Variants in TCF7L1 observed in about 807,000 individuals in gnomAD.
TCF7L1 encodes transcription factor 7-like 1.
In TCF7L1, 18 loss-of-function variants were observed where a neutral mutation model predicts 63.7. The observed-to-expected ratio is 0.28, with a 90% CI of 0.20 to 0.42. The LOEUF is 0.42. Ranked by LOEUF, TCF7L1 falls within the 10% of genes least tolerant of loss-of-function variation. The pLI, the probability that TCF7L1 is intolerant of heterozygous loss-of-function variation, is 1.00. For missense variants in TCF7L1, 654 were observed against 779.3 expected (o/e 0.84, Z 1.91); for synonymous variants, 355 against 340.9 (o/e 1.04, Z -0.46).
chr2:85,223,546 G>A (rs1679894700), intron 3 of TCF7L1, among the ~76,000 whole-genome samples: 1 of 152,082 alleles, frequency 6.6e-6, no homozygotes, highest in African/African-American at 2.4e-5. Context: ...TGGATGTATG[G>A]GGTGTCTGCT....
At chr2:85,227,200 C>A (rs1679976497) in intron 3 of TCF7L1, among the ~76,000 whole-genome samples, 1 of 152,212 alleles carries the variant, frequency 6.6e-6, no homozygotes, top group East Asian at 1.9e-4. Context: ...TTGGACTTCT[C>A]TTCCTGCCCT....
At chr2:85,136,708 C>T (rs185333950) in intron 3 of TCF7L1, among the ~76,000 whole-genome samples, 21 of 152,250 alleles carry the variant, frequency 1.4e-4, no homozygotes, top group Admixed American at 1.1e-3. Flanking sequence ...TGTTAGTTCA[C>T]GGATATACTG....
At chr2:85,219,411 T>A (rs576936035) in intron 3 of TCF7L1, among the ~76,000 whole-genome samples, 16 of 152,248 alleles carry the variant, frequency 1.1e-4, no homozygotes, top group African/African-American at 3.9e-4. Flanking sequence ...ACAAGGGACA[T>A]GAACAAGAAC....
At chr2:85,237,283 A>G (rs1448598941) in intron 3 of TCF7L1, among the ~76,000 whole-genome samples, 2 of 152,128 alleles carry the variant, frequency 1.3e-5, no homozygotes, top group Non-Finnish European at 2.9e-5. Context: ...CTTTGGACTG[A>G]GAAGGATGCA....
intron 4 of TCF7L1, among the ~76,000 whole-genome samples, chr2:85,293,663 G>C (rs2104379734): frequency 6.6e-6 from 1 of 152,290 alleles, no homozygotes; most frequent in Non-Finnish European, 1.5e-5. Flanking sequence ...AATAGTAAAA[G>C]CAAACACATG....
intron 3 of TCF7L1, among the ~76,000 whole-genome samples, chr2:85,159,110 T>C (rs1678222235): frequency 6.6e-6 from 1 of 152,174 alleles, no homozygotes; most frequent in Admixed American, 6.5e-5. Context: ...GATCAATAAA[T>C]AGAAGCAGGC....
intron 3 of TCF7L1, among the ~76,000 whole-genome samples, chr2:85,174,486 T>A (rs114000711): frequency 8.3e-4 from 127 of 152,286 alleles, no homozygotes; most frequent in African/African-American, 2.9e-3. Context: ...AGAGGTGATG[T>A]TGCCCACCTG....
At chr2:85,164,918 C>T (rs751495659) in intron 3 of TCF7L1, among the ~76,000 whole-genome samples, 2 of 152,126 alleles carry the variant, frequency 1.3e-5, no homozygotes, top group Non-Finnish European at 1.5e-5. Flanking sequence ...TTATGAGATT[C>T]GCTGCTAGGT....
chr2:85,228,553 G>A (rs371645775), intron 3 of TCF7L1, among the ~76,000 whole-genome samples: 20 of 152,282 alleles, frequency 1.3e-4, no homozygotes, highest in African/African-American at 2.4e-4. Flanking sequence ...GAAAGGGAGC[G>A]AAGAGGTGGG....
intron 3 of TCF7L1, among the ~76,000 whole-genome samples, chr2:85,158,447 A>C (rs575551326): frequency 6.6e-6 from 1 of 152,316 alleles, no homozygotes; most frequent in East Asian, 1.9e-4. Flanking sequence ...CTTAGTGCTT[A>C]TTCAATGTAT....
intron 3 of TCF7L1, among the ~76,000 whole-genome samples, chr2:85,263,623 G>A (rs1312145347): frequency 6.6e-6 from 1 of 152,216 alleles, no homozygotes; most frequent in African/African-American, 2.4e-5. Flanking sequence ...TTTCAAAGGA[G>A]CCTTGGTTGA....
chr2:85,152,789 C>G (rs374210572), intron 3 of TCF7L1, among the ~76,000 whole-genome samples: 12 of 152,082 alleles, frequency 7.9e-5, no homozygotes, highest in African/African-American at 2.9e-4. Context: ...CATCAATCCC[C>G]CTACTTAATA....
intron 3 of TCF7L1, among the ~76,000 whole-genome samples, chr2:85,267,513 G>A (rs191934872): frequency 1.3e-5 from 2 of 151,506 alleles, no homozygotes; most frequent in South Asian, 2.1e-4. Context: ...AGCTGGTGTG[G>A]TGGCGCACAC....
chr2:85,137,094 T>A (rs1351914770), intron 3 of TCF7L1, among the ~76,000 whole-genome samples: 3 of 152,198 alleles, frequency 2.0e-5, no homozygotes, highest in Non-Finnish European at 4.4e-5. Context: ...CTCTAAGGCC[T>A]AGAGGTAGTA....
At chr2:85,187,327 T>G (rs949330904) in intron 3 of TCF7L1, 4 of 152,240 alleles carry the variant, frequency 2.6e-5, no homozygotes, top group Non-Finnish European at 5.9e-5. Flanking sequence ...TAGCGGAATT[T>G]CAGTCATCTG....
At chr2:85,304,224 A>G (rs1448456534) in intron 6 of TCF7L1, 31 bp from the exon 7 acceptor site, 4 of 1,600,694 alleles carry the variant, frequency 2.5e-6, no homozygotes, top group African/African-American at 1.3e-5. Flanking sequence ...AGCTTTCCCA[A>G]TATGCTGACC....
chr2:85,180,996 A>G (rs1037489236), intron 3 of TCF7L1, among the ~76,000 whole-genome samples: 1 of 152,156 alleles, frequency 6.6e-6, no homozygotes, highest in African/African-American at 2.4e-5. Context: ...GGCTCTGCTG[A>G]CTGGAGCAGT....
At chr2:85,230,250 G>T (rs1222535158) in intron 3 of TCF7L1, among the ~76,000 whole-genome samples, 2 of 152,180 alleles carry the variant, frequency 1.3e-5, no homozygotes, top group African/African-American at 2.4e-5. Flanking sequence ...TGCAGTGCAT[G>T]ATTCTTATGG....
chr2:85,146,266 C>T (rs1385542476), intron 3 of TCF7L1, among the ~76,000 whole-genome samples: 1 of 152,058 alleles, frequency 6.6e-6, no homozygotes, highest in African/African-American at 2.4e-5. Flanking sequence ...AACCAGAGGC[C>T]CAGAGTCACC....
Sources: allele counts gnomAD v4.1 joint callset (sites outside exome capture counted in the v4.1 genomes callset), GRCh38; gene constraint gnomAD v4.1.1; transcripts MANE v1.5; gene names NCBI Gene and HGNC (gene_info 2026-07-23, HGNC 2026-07-21).